KCNQ3: variants seen among roughly 807,000 people sequenced by gnomAD.
The protein encoded by KCNQ3 is potassium voltage-gated channel subfamily KQT member 3.
Under a neutral mutation model 92.5 loss-of-function variants are expected in KCNQ3, and 30 were observed. The ratio of observed to expected loss-of-function variants is 0.32; its 90% confidence interval spans 0.24 to 0.44. The LOEUF (loss-of-function observed/expected upper bound fraction) is 0.44. KCNQ3 is among the 20% of genes least tolerant of loss of function. KCNQ3 has a pLI of 1.00. For synonymous variants in KCNQ3, 450 were observed against 468.8 expected, an observed-to-expected ratio of 0.96 and a Z score of 0.52; for missense variants, 913 against 1,140.3, an observed-to-expected ratio of 0.80 and a Z score of 2.87.
intron 1 of KCNQ3, among the ~76,000 whole-genome samples, chr8:132,303,193 C>G (rs1453253553): frequency 6.6e-6 from 1 of 152,076 alleles, no homozygotes; most frequent in Non-Finnish European, 1.5e-5. Flanking sequence ...CCAACAGGCC[C>G]ATGCTACAGC....
At chr8:132,153,729 C>T (rs531606568) in intron 9 of KCNQ3, among the ~76,000 whole-genome samples, 14 of 93,136 alleles carry the variant, frequency 1.5e-4, no homozygotes, top group African/African-American at 4.6e-4. Flanking sequence ...ACTCCTACCC[C>T]GCAAGCCCCC....
chr8:132,223,718 T>G (rs1001741349), intron 1 of KCNQ3, among the ~76,000 whole-genome samples: 6 of 152,280 alleles, frequency 3.9e-5, no homozygotes, highest in Admixed American at 3.9e-4. Flanking sequence ...TGGATTAATC[T>G]TAAATTTTTA....
chr8:132,189,103 G>A (rs530174998), intron 1 of KCNQ3, among the ~76,000 whole-genome samples: 31 of 152,262 alleles, frequency 2.0e-4, no homozygotes, highest in South Asian at 8.3e-4. Flanking sequence ...CAGGCTGGTC[G>A]TAGGAATGAC....
At chr8:132,426,758 C>T (rs1333648433) in intron 1 of KCNQ3, among the ~76,000 whole-genome samples, 1 of 152,158 alleles carries the variant, frequency 6.6e-6, no homozygotes, top group African/African-American at 2.4e-5. Context: ...ACACAAATTC[C>T]TATGGTCTCA....
chr8:132,364,670 T>TGGACGGAC (rs142558838), intron 1 of KCNQ3, among the ~76,000 whole-genome samples: 79 of 149,222 alleles, frequency 5.3e-4, no homozygotes, highest in Non-Finnish European at 8.5e-4. Context: ...AGTAAATGGA[T>TGGACGGAC]GGACGGACGG....
intron 1 of KCNQ3, among the ~76,000 whole-genome samples, chr8:132,304,771 T>A (rs1817364038): frequency 6.6e-6 from 1 of 152,134 alleles, no homozygotes; most frequent in Admixed American, 6.6e-5. Flanking sequence ...GCATATTGTT[T>A]AGTATATAAA....
chr8:132,448,800 T>C (rs1444479030), intron 1 of KCNQ3, among the ~76,000 whole-genome samples: 2 of 152,236 alleles, frequency 1.3e-5, no homozygotes, highest in African/African-American at 4.8e-5. Context: ...TGTAAATGTT[T>C]TCACACAGCT....
intron 11 of KCNQ3, among the ~76,000 whole-genome samples, chr8:132,139,231 C>CA (rs1825208145): frequency 6.6e-6 from 1 of 152,202 alleles, no homozygotes; most frequent in African/African-American, 2.4e-5. Flanking sequence ...TGCAGCGTCC[C>CA]AGCAGAGATC....
At chr8:132,434,164 C>G (rs1230188586) in intron 1 of KCNQ3, among the ~76,000 whole-genome samples, 2 of 147,672 alleles carry the variant, frequency 1.4e-5, no homozygotes, top group African/African-American at 5.0e-5. Flanking sequence ...GCCGAGATCC[C>G]GCCACTGCAC....
chr8:132,358,624 C>T (rs1533402), intron 1 of KCNQ3, among the ~76,000 whole-genome samples: 6 of 152,054 alleles, frequency 3.9e-5, no homozygotes, highest in South Asian at 2.1e-4. Context: ...TGAGGAGGCA[C>T]GAAGCTTGCC....
intron 1 of KCNQ3, among the ~76,000 whole-genome samples, chr8:132,260,074 C>G (rs1815727346): frequency 6.6e-6 from 1 of 152,050 alleles, no homozygotes; most frequent in Non-Finnish European, 1.5e-5. Flanking sequence ...AAACTACTTC[C>G]CAAATTTATC....
Position 132,129,646 on chromosome 8 carries a change from G to A in KCNQ3, c.2235C>T (p.Pro745=), listed in dbSNP as rs1190966299. 1 of 1,614,158 alleles carries A rather than the reference G, an allele frequency of 6.2e-7. No individual in the cohort carries two copies. Among genetic ancestry groups the A allele is most frequent in the Admixed American group, 1.7e-5 (1 of 60,024 alleles). The change falls in exon 15 of 15, where the codon CCC becomes CCT. Residue 745 remains proline (P), a synonymous_variant. Transcript: ENST00000388996. This position sits in a 1 kb window ranked among gnomAD's most constrained non-coding sequence, Gnocchi z 5.9. ...PSSATTYVER[P]TVLPILTLLD... ...GAAGAGTCAAGATAGGCAGGACCGT[G>A]GGCCTCTCCACATACGTTGTTGCTG...
intron 1 of KCNQ3, among the ~76,000 whole-genome samples, chr8:132,204,452 A>C (rs1043149733): frequency 6.6e-6 from 1 of 152,234 alleles, no homozygotes; most frequent in African/African-American, 2.4e-5. Flanking sequence ...TCTATGACTA[A>C]GGATGGAAAA....
chr8:132,195,707 T>C (rs1827281548), intron 1 of KCNQ3, among the ~76,000 whole-genome samples: 2 of 152,200 alleles, frequency 1.3e-5, no homozygotes, highest in South Asian at 2.1e-4. Flanking sequence ...TCCCCCCAAA[T>C]CAGATCATGT....
chr8:132,194,591 G>A (rs960849852), intron 1 of KCNQ3, among the ~76,000 whole-genome samples: 1 of 152,226 alleles, frequency 6.6e-6, no homozygotes, highest in Non-Finnish European at 1.5e-5. Context: ...GGGGGGAAAT[G>A]CCATTATTGA....
intron 1 of KCNQ3, among the ~76,000 whole-genome samples, chr8:132,335,213 G>A (rs1055906848): frequency 2.0e-5 from 3 of 151,942 alleles, no homozygotes; most frequent in African/African-American, 7.2e-5. Flanking sequence ...GCTAATTTTT[G>A]TATTTTTAGT....
intron 1 of KCNQ3, among the ~76,000 whole-genome samples, chr8:132,291,246 C>A (rs1400957964): frequency 6.6e-6 from 1 of 152,158 alleles, no homozygotes; most frequent in African/African-American, 2.4e-5. Context: ...TGTTAATTTC[C>A]TTGCCTTCCT....
intron 3 of KCNQ3, among the ~76,000 whole-genome samples, chr8:132,181,221 GA>G (rs778321005): frequency 5.9e-5 from 9 of 152,164 alleles, no homozygotes; most frequent in Non-Finnish European, 1.3e-4. Flanking sequence ...TAGTATGGAA[GA>G]GGGAGGAACT....
intron 1 of KCNQ3, among the ~76,000 whole-genome samples, chr8:132,215,287 T>G (rs1353352948): frequency 6.6e-6 from 1 of 152,240 alleles, no homozygotes; most frequent in Non-Finnish European, 1.5e-5. Flanking sequence ...TGAGATTATG[T>G]ATGGGAAAGA....
Sources: allele counts gnomAD v4.1 joint callset (sites outside exome capture counted in the v4.1 genomes callset), GRCh38; gene constraint gnomAD v4.1.1; non-coding constraint Gnocchi (gnomAD v3.1); transcripts MANE v1.5; gene names NCBI Gene and HGNC (gene_info 2026-07-23, HGNC 2026-07-21).